GRID2: variants seen among roughly 807,000 people sequenced by gnomAD.
GRID2 encodes glutamate receptor ionotropic, delta-2.
GRID2 carries 33 observed loss-of-function variants against 114.8 expected under a neutral mutation model. The ratio of observed to expected loss-of-function variants is 0.29; its 90% confidence interval spans 0.22 to 0.38. The LOEUF (loss-of-function observed/expected upper bound fraction) is 0.38. Among genes scored for constraint, GRID2 ranks in the 10% least tolerant of loss-of-function variants. The pLI, the probability that GRID2 is intolerant of heterozygous loss-of-function variation, is 1.00. For missense variants in GRID2, 1,184 were observed against 1,257.7 expected, an observed-to-expected ratio of 0.94 and a Z score of 0.89; for synonymous variants, 505 against 449.9, an observed-to-expected ratio of 1.12 and a Z score of -1.55.
intron 14 of GRID2, among the ~76,000 whole-genome samples, chr4:93,734,676 C>T (rs1730774472): frequency 6.6e-6 from 1 of 151,878 alleles, no homozygotes; most frequent in South Asian, 2.1e-4. Flanking sequence ...CCTGATATTA[C>T]TTATCTTAGT....
chr4:92,687,181 GA>G (rs1187169507), intron 2 of GRID2, among the ~76,000 whole-genome samples: 1 of 129,648 alleles, frequency 7.7e-6, no homozygotes, highest in Non-Finnish European at 1.7e-5. Context: ...GGATTTTTTT[GA>G]TTTTTTTTTT....
chr4:93,334,943 A>G (rs545027725), intron 8 of GRID2, among the ~76,000 whole-genome samples: 6 of 152,314 alleles, frequency 3.9e-5, no homozygotes, highest in African/African-American at 1.4e-4. Flanking sequence ...AAAAGAAAAA[A>G]AAAAAGAATT....
chr4:93,252,329 A>ATTTTTTTTT (rs56056248), intron 8 of GRID2, among the ~76,000 whole-genome samples: 1 of 119,758 alleles, frequency 8.4e-6, no homozygotes. Flanking sequence ...GGAATCCTTC[A>ATTTTTTTTT]TTTTTTTTTT....
intron 1 of GRID2, among the ~76,000 whole-genome samples, chr4:92,483,690 T>A (rs1579444803): frequency 6.6e-6 from 1 of 151,986 alleles, no homozygotes; most frequent in South Asian, 2.1e-4. Context: ...ATACGGAAGG[T>A]GTAAGTAAGT....
chr4:93,668,404 A>G (rs1476699710), intron 14 of GRID2, among the ~76,000 whole-genome samples: 1 of 151,768 alleles, frequency 6.6e-6, no homozygotes, highest in African/African-American at 2.4e-5. Flanking sequence ...GTTTGCCCTT[A>G]CTTTTTATAA....
chr4:93,789,905 T>C (rs1734662904), intron 1 of GRID2, among the ~76,000 whole-genome samples: 1 of 152,158 alleles, frequency 6.6e-6, no homozygotes, highest in African/African-American at 2.4e-5. Context: ...TGGGGGTAAG[T>C]GAGCACTGCC....
chr4:93,775,160 AT>A (rs1402136511), downstream of GRID2, among the ~76,000 whole-genome samples: 8 of 151,598 alleles, frequency 5.3e-5, no homozygotes, highest in African/African-American at 1.9e-4. Context: ...AAAAAAAAAA[AT>A]AGTTCTCTAT....
intron 13 of GRID2, among the ~76,000 whole-genome samples, chr4:93,538,001 A>G (rs1285317580): frequency 6.6e-6 from 1 of 151,738 alleles, no homozygotes; most frequent in Non-Finnish European, 1.5e-5. Context: ...GCAACGTGAA[A>G]CTATACAAAT....
intron 2 of GRID2, among the ~76,000 whole-genome samples, chr4:92,780,227 A>G (rs1232503018): frequency 6.6e-6 from 1 of 152,116 alleles, no homozygotes; most frequent in Admixed American, 6.6e-5. Flanking sequence ...AGATTACTTT[A>G]TTTCTGGAGT....
intron 2 of GRID2, among the ~76,000 whole-genome samples, chr4:92,947,353 T>C (rs1401285591): frequency 6.6e-6 from 1 of 152,038 alleles, no homozygotes; most frequent in Non-Finnish European, 1.5e-5. Context: ...TTAAATGTGC[T>C]ATGTTTAACA....
chr4:93,693,254 C>A (rs1726721382), intron 14 of GRID2, among the ~76,000 whole-genome samples: 1 of 152,082 alleles, frequency 6.6e-6, no homozygotes, highest in African/African-American at 2.4e-5. Flanking sequence ...ACTAGTGTTG[C>A]ATTTAGAAAC....
At chr4:93,442,245 G>T (rs1056383427) in intron 10 of GRID2, among the ~76,000 whole-genome samples, 11 of 152,140 alleles carry the variant, frequency 7.2e-5, no homozygotes, top group African/African-American at 2.4e-4. Context: ...TGACTGAAAT[G>T]TGTATTTGCA....
intron 9 of GRID2, among the ~76,000 whole-genome samples, chr4:93,410,904 T>C (rs900821688): frequency 9.9e-5 from 15 of 152,158 alleles, no homozygotes; most frequent in African/African-American, 3.6e-4. Context: ...TTTACCTCCT[T>C]CATTGGATTC....
chr4:92,508,604 A>G (rs1724093081), intron 1 of GRID2, among the ~76,000 whole-genome samples: 1 of 151,926 alleles, frequency 6.6e-6, no homozygotes, highest in Non-Finnish European at 1.5e-5. Flanking sequence ...GAAGGGAGAC[A>G]TAAGTATACC....
At chr4:92,704,235 G>A (rs539463912) in intron 2 of GRID2, among the ~76,000 whole-genome samples, 4 of 152,082 alleles carry the variant, frequency 2.6e-5, no homozygotes, top group African/African-American at 4.8e-5. Flanking sequence ...CCGAGATCGC[G>A]CCACTGCACT....
intron 2 of GRID2, among the ~76,000 whole-genome samples, chr4:93,020,182 G>C (rs959465564): frequency 6.6e-6 from 1 of 152,028 alleles, no homozygotes; most frequent in Non-Finnish European, 1.5e-5. Context: ...AAGTTTTATT[G>C]AGGTAATATT....
At chr4:93,579,945 A>T (rs1736797350) in intron 13 of GRID2, among the ~76,000 whole-genome samples, 1 of 152,222 alleles carries the variant, frequency 6.6e-6, no homozygotes, top group Non-Finnish European at 1.5e-5. Context: ...TGTCATTCGG[A>T]TCATCTCCAA....
At chr4:93,318,459 G>T (rs1368068659) in intron 8 of GRID2, among the ~76,000 whole-genome samples, 2 of 151,940 alleles carry the variant, frequency 1.3e-5, no homozygotes, top group Non-Finnish European at 2.9e-5. Context: ...TAACTTGCAA[G>T]CCACAAGATA....
At chr4:93,418,728 T>G (rs923020387) in intron 9 of GRID2, among the ~76,000 whole-genome samples, 3 of 152,070 alleles carry the variant, frequency 2.0e-5, no homozygotes, top group African/African-American at 7.2e-5. Context: ...TTTCTTTGAT[T>G]TTTGTTTGGA....
Sources: gnomAD v4.1 joint callset for allele counts (sites outside exome capture counted in the v4.1 genomes callset) on GRCh38, gnomAD v4.1.1 for gene constraint, MANE v1.5 for transcripts, NCBI Gene and HGNC (gene_info 2026-07-23, HGNC 2026-07-21) for gene names.